DLG2: variants seen among roughly 807,000 people sequenced by gnomAD.
DLG2 encodes the protein disks large homolog 2.
DLG2 carries 45 observed loss-of-function variants against 132.5 expected under a neutral mutation model. The observed-to-expected ratio is 0.34, with a 90% CI of 0.27 to 0.44. The LOEUF (loss-of-function observed/expected upper bound fraction) is 0.44, where lower values mean the gene tolerates loss of function less well. Among genes scored for constraint, DLG2 ranks in the 20% least tolerant of loss-of-function variants. DLG2 has a pLI of 1.00. For synonymous variants in DLG2, 424 were observed against 419.6 expected (o/e 1.01, Z -0.13); for missense variants, 1,045 against 1,196.9 (o/e 0.87, Z 1.87).
intron 5 of DLG2, chr11:85,133,121 A>G (rs939375445): frequency 1.5e-5 from 4 of 270,108 alleles, no homozygotes; most frequent in African/African-American, 6.5e-5. Context: ...GCACAGTTCT[A>G]TCGTTGCGAT....
chr11:83,786,866 A>C (rs1375115691), intron 17 of DLG2, 74 bp from the exon 18 acceptor site: 6 of 1,291,574 alleles, frequency 4.6e-6, no homozygotes, highest in African/African-American at 1.5e-5. Context: ...AAAGTTTCCC[A>C]AAACCAGGCT....
At chr11:84,485,294 A>G (rs1256632207) in intron 7 of DLG2, among the ~76,000 whole-genome samples, 1 of 152,212 alleles carries the variant, frequency 6.6e-6, no homozygotes, top group African/African-American at 2.4e-5. Context: ...CATTAGCAAT[A>G]ACAAACAATA....
chr11:83,754,619 C>A (rs2093574416), intron 18 of DLG2, among the ~76,000 whole-genome samples: 1 of 151,308 alleles, frequency 6.6e-6, no homozygotes, highest in South Asian at 2.1e-4. Context: ...TTGGTGCCTG[C>A]CTTTCTGGCC....
At chr11:84,179,591 G>A (rs536234119) in intron 8 of DLG2, among the ~76,000 whole-genome samples, 57 of 152,266 alleles carry the variant, frequency 3.7e-4, no homozygotes, top group Admixed American at 2.7e-3. Context: ...AAAGCTCTAC[G>A]AGGCCTTCGT....
At chr11:85,083,434 T>G (rs1342709433) in intron 6 of DLG2, among the ~76,000 whole-genome samples, 1 of 152,168 alleles carries the variant, frequency 6.6e-6, no homozygotes, top group East Asian at 1.9e-4. Context: ...TTCAATCGAT[T>G]TAAAAGTTTA....
In DLG2 at chr11:84,941,913, A is replaced by G. The variant is rs118132378; in HGVS notation, c.357+169748T>C. Among the ~76,000 whole-genome samples, 1,197 of 152,140 alleles carry G rather than the reference A, an allele frequency of 7.9e-3. 10 individuals are homozygous for G. Among genetic ancestry groups the G allele is most frequent in the South Asian group, 0.017 (82 of 4,818 alleles). ...TGGGAGATTTTTTATTATGGCTACC[A>G]TCTCATTACTTCTTATTGGTCTGTT... On this transcript the variant is annotated intron_variant, in intron 6 of 27. Transcript: ENST00000376104.
intron 7 of DLG2, among the ~76,000 whole-genome samples, chr11:84,490,660 A>T (rs2099162523): frequency 6.6e-6 from 1 of 151,936 alleles, no homozygotes; most frequent in African/African-American, 2.4e-5. Context: ...AAAAAAAAAA[A>T]AAAAAAACCC....
At chr11:85,364,627 C>A (rs992196297) in intron 3 of DLG2, among the ~76,000 whole-genome samples, 1 of 152,036 alleles carries the variant, frequency 6.6e-6, no homozygotes, top group African/African-American at 2.4e-5. Context: ...CTGAAAAAAA[C>A]CATTTAAACA....
chr11:84,456,243 G>T (rs2154483601), intron 7 of DLG2, among the ~76,000 whole-genome samples: 1 of 151,364 alleles, frequency 6.6e-6, no homozygotes, highest in African/African-American at 2.4e-5. Flanking sequence ...ATGACAAGTA[G>T]CTATGCAAGG....
At chr11:85,341,110 T>TTTTTGTTTTGTTTTGTTTTTGTTTTG (rs2082464749) in intron 3 of DLG2, among the ~76,000 whole-genome samples, 1 of 150,102 alleles carries the variant, frequency 6.7e-6, no homozygotes, top group Non-Finnish European at 1.5e-5. Flanking sequence ...TTCTTGTTTG[T>TTTTTGTTTTGTTTTGTTTTTGTTTTG]TTTTGTTTTG....
intron 6 of DLG2, among the ~76,000 whole-genome samples, chr11:84,708,871 C>T (rs1192136898): frequency 6.6e-6 from 1 of 151,788 alleles, no homozygotes; most frequent in African/African-American, 2.4e-5. Flanking sequence ...TCCCAAGGAG[C>T]ATTTCTTTTG....
At chr11:84,349,568 T>C (rs565042811) in intron 7 of DLG2, among the ~76,000 whole-genome samples, 11 of 152,332 alleles carry the variant, frequency 7.2e-5, no homozygotes, top group African/African-American at 2.6e-4. Flanking sequence ...GTGAAACTTC[T>C]ATGCTTTGCA....
chr11:85,322,039 T>C (rs1253243364), intron 3 of DLG2, among the ~76,000 whole-genome samples: 2 of 152,110 alleles, frequency 1.3e-5, no homozygotes, highest in Non-Finnish European at 2.9e-5. Flanking sequence ...TACTTCATTA[T>C]ATTCAGTAAT....
intron 18 of DLG2, among the ~76,000 whole-genome samples, chr11:83,751,644 T>C (rs2093318067): frequency 1.3e-5 from 2 of 152,068 alleles, no homozygotes; most frequent in Non-Finnish European, 2.9e-5. Flanking sequence ...AATGTGAAGA[T>C]GAGAGAAAGG....
intron 3 of DLG2, among the ~76,000 whole-genome samples, chr11:85,424,999 G>A (rs1342752664): frequency 6.6e-6 from 1 of 150,602 alleles, no homozygotes; most frequent in Non-Finnish European, 1.5e-5. Context: ...TTAATCCACT[G>A]AAGTTAGTAC....
intron 3 of DLG2, among the ~76,000 whole-genome samples, chr11:85,537,502 C>G (rs903028213): frequency 1.3e-5 from 2 of 150,694 alleles, no homozygotes; most frequent in South Asian, 4.2e-4. Flanking sequence ...CAACTCCAGA[C>G]AGGAGGGATG....
At chr11:85,096,869 T>C (rs2069904987) in intron 6 of DLG2, among the ~76,000 whole-genome samples, 1 of 152,128 alleles carries the variant, frequency 6.6e-6, no homozygotes, top group South Asian at 2.1e-4. Flanking sequence ...TGTCAGGCTA[T>C]CTGGGAAAGG....
Position 84,159,719 on chromosome 11 carries a change from C to T in DLG2, c.624+3742G>A, listed in dbSNP as rs192377612. ...ATATTAACATTTTGAAAAAAGATAACGGGTTACTTGGAGGAGAACAGCAGG... is the reference window on the plus strand; with the variant it reads ...ATATTAACATTTTGAAAAAAGATAATGGGTTACTTGGAGGAGAACAGCAGG... On this transcript the variant is annotated intron_variant, in intron 9 of 27. Coordinates refer to ENST00000376104, the MANE Select transcript of DLG2 (RefSeq NM_001142699.3). Among the ~76,000 whole-genome samples the T allele has an allele frequency of 2.9e-3, 443 of 152,118 alleles. 4 individuals carry two copies. Among genetic ancestry groups the T allele is most frequent in the African/African-American group, 0.01 (430 of 41,494 alleles).
intron 7 of DLG2, among the ~76,000 whole-genome samples, chr11:84,478,058 A>C (rs2099126573): frequency 6.6e-6 from 1 of 152,166 alleles, no homozygotes; most frequent in African/African-American, 2.4e-5. Context: ...GTAAATGCAA[A>C]GATAAGACAA....
Sources: gnomAD v4.1 joint callset for allele counts (sites outside exome capture counted in the v4.1 genomes callset) on GRCh38, gnomAD v4.1.1 for gene constraint, MANE v1.5 for transcripts, NCBI Gene and HGNC (gene_info 2026-07-23, HGNC 2026-07-21) for gene names.